PHC3: variants seen among roughly 807,000 people sequenced by gnomAD.
The protein encoded by PHC3 is polyhomeotic-like protein 3.
Under a neutral mutation model 107.4 loss-of-function variants are expected in PHC3, and 13 were observed. The observed-to-expected ratio is 0.12, with a 90% CI of 0.08 to 0.19. The LOEUF (loss-of-function observed/expected upper bound fraction) is 0.19. PHC3 is among the 10% of genes least tolerant of loss of function. The pLI is 1.00. For synonymous variants in PHC3, 456 were observed against 427.4 expected, an observed-to-expected ratio of 1.07 and a Z score of -0.83; for missense variants, 992 against 1,210.9, an observed-to-expected ratio of 0.82 and a Z score of 2.68.
intron 5 of PHC3, 79 bp downstream of exon 5, chr3:170,149,007 T>A: frequency 7.2e-7 from 1 of 1,381,090 alleles, no homozygotes. Context: ...TAAAAATACC[T>A]CTTATTGTAT....
intron 4 of PHC3, among the ~76,000 whole-genome samples, chr3:170,153,596 T>C (rs539865642): frequency 5.3e-5 from 8 of 152,022 alleles, no homozygotes; most frequent in Non-Finnish European, 1.0e-4. Flanking sequence ...ACCCCATCTC[T>C]ACTAAAAATA....
rs1271005706 is a variant in PHC3, at chr3:170,129,243, A to C, written c.1229T>G (p.Val410Gly). 3.1e-6 allele frequency: 5 copies of C among 1,613,630 alleles called. No homozygotes were observed. Among genetic ancestry groups the C allele is most frequent in the Non-Finnish European group, 4.2e-6 (5 of 1,179,558 alleles). The change falls in exon 8 of 15, where the codon GTG (valine) becomes GGG (glycine). Residue 410 changes from valine (V) to glycine (G), a missense_variant. Coordinates refer to ENST00000495893, the MANE Select transcript of PHC3 (RefSeq NM_024947.4). ...TGGTGAATGAGGTGGTGGAGGAGACACCACTACAGACTGCTGTGCTGACTG... is the reference window on the plus strand; with the variant it reads ...TGGTGAATGAGGTGGTGGAGGAGACCCCACTACAGACTGCTGTGCTGACTG... ...QSQSAQQSVV[V>G]SPPPPHSPSQ...
chr3:170,159,696 A>G (rs1395470193), intron 4 of PHC3, among the ~76,000 whole-genome samples: 1 of 152,206 alleles, frequency 6.6e-6, no homozygotes, highest in East Asian at 1.9e-4. Context: ...GGTGTCCTAC[A>G]CAATGACATC....
At chr3:170,112,304 T>C (rs1014920219) in intron 11 of PHC3, among the ~76,000 whole-genome samples, 1 of 151,636 alleles carries the variant, frequency 6.6e-6, no homozygotes. Context: ...TCCGACTCCC[T>C]GGTTCAAGCG....
At chr3:170,152,337 A>ATTTT (rs1220193435) in intron 4 of PHC3, among the ~76,000 whole-genome samples, 13 of 122,148 alleles carry the variant, frequency 1.1e-4, no homozygotes, top group African/African-American at 4.0e-4. Context: ...CGCCTGGCTA[A>ATTTT]TTTTTTTTTT....
At chr3:170,166,358 T>A (rs962935212) in intron 4 of PHC3, among the ~76,000 whole-genome samples, 2 of 152,178 alleles carry the variant, frequency 1.3e-5, no homozygotes, top group Admixed American at 6.5e-5. Flanking sequence ...ATAATAATTT[T>A]AGACTGCAAA....
Position 170,171,399 on chromosome 3 carries a change from G to T in PHC3, c.388C>A (p.Gln130Lys). The T allele has an allele frequency of 6.2e-7, 1 of 1,607,402 alleles. No individual in the cohort carries two copies. Among genetic ancestry groups the T allele is most frequent in the Non-Finnish European group, 8.5e-7 (1 of 1,177,630 alleles). Residue 130 changes from glutamine (Q) to lysine (K), a missense_variant, in exon 4 of 15, where the codon CAG (glutamine) becomes AAG (lysine). By Grantham distance (53) the Gln-to-Lys change is moderately conservative (BLOSUM62 1). Transcript: ENST00000495893. The part of the protein sequence containing the change: ...PSTSPTGSVT[Q>K]QSSMSQTSIN... ...GACGTTTGGGACATACTTGACTGCT[G>T]TGTGACACTTCCTGTGGGAGATGTA...
chr3:170,152,954 A>G (rs991772564), intron 4 of PHC3, among the ~76,000 whole-genome samples: 6 of 152,026 alleles, frequency 3.9e-5, no homozygotes, highest in African/African-American at 1.4e-4. Context: ...GAGCCATCGC[A>G]CCAGACCACA....
chr3:170,138,931 T>C (rs867188555), intron 6 of PHC3, among the ~76,000 whole-genome samples: 42 of 152,060 alleles, frequency 2.8e-4, no homozygotes, highest in Admixed American at 3.9e-4. Flanking sequence ...TGCCATCTTT[T>C]CTCAAAGCTG....
intron 4 of PHC3, among the ~76,000 whole-genome samples, chr3:170,162,625 A>G (rs1012208128): frequency 6.6e-6 from 1 of 152,212 alleles, no homozygotes; most frequent in African/African-American, 2.4e-5. Context: ...CTCCATTTGA[A>G]TTATTACAAG....
chr3:170,155,664 T>G (rs557428915), intron 4 of PHC3, among the ~76,000 whole-genome samples: 1 of 152,136 alleles, frequency 6.6e-6, no homozygotes, highest in Admixed American at 6.5e-5. Flanking sequence ...GAGGTTGCAG[T>G]GAGCCGAGAT....
chr3:170,126,543 T>TTC (rs397954357), intron 8 of PHC3, among the ~76,000 whole-genome samples: 14 of 113,768 alleles, frequency 1.2e-4, no homozygotes, highest in East Asian at 2.5e-4. Context: ...TTTTTTTTTT[T>TTC]CCTTTTTCTT....
intron 4 of PHC3, among the ~76,000 whole-genome samples, chr3:170,150,156 TAA>T (rs1270920878): frequency 2.0e-5 from 3 of 152,184 alleles, no homozygotes; most frequent in Non-Finnish European, 4.4e-5. Context: ...CCACATAACT[TAA>T]AACATCCTAA....
At position 170,176,272 on chromosome 3, in the gene PHC3, T is replaced by G. The variant is rs1730465214; in HGVS notation, c.180+2501A>C. Among the ~76,000 whole-genome samples the G allele has an allele frequency of 2.6e-5, 4 of 151,306 alleles. No homozygotes were observed. The South Asian group carries it at 8.4e-4, about 32-fold the overall frequency. On this transcript the variant is annotated intron_variant, in intron 2 of 14. Transcript: ENST00000495893. ...ATCTAAATCCTTTTCCCTGTATCCC[T>G]TACCTCAGAGAAAGGTAAAAAACAT...
intron 6 of PHC3, among the ~76,000 whole-genome samples, chr3:170,143,858 C>A (rs1408832725): frequency 6.6e-6 from 1 of 152,144 alleles, no homozygotes; most frequent in Non-Finnish European, 1.5e-5. Context: ...CTACTTTCTA[C>A]CCCAGATACC....
At chr3:170,136,394 A>G (rs757781213) in intron 7 of PHC3, 25 bp downstream of exon 7, 4 of 1,611,690 alleles carry the variant, frequency 2.5e-6, no homozygotes, top group African/African-American at 1.3e-5. Context: ...TAATACAACT[A>G]TTTTCAACAA....
chr3:170,099,271 A>T (rs1054137502), intron 14 of PHC3, among the ~76,000 whole-genome samples: 1 of 152,150 alleles, frequency 6.6e-6, no homozygotes, highest in South Asian at 2.1e-4. Flanking sequence ...AATAATATAG[A>T]ACAAAAAGTG....
chr3:170,129,995 G>A (rs758084281), intron 7 of PHC3, among the ~76,000 whole-genome samples: 1 of 152,116 alleles, frequency 6.6e-6, no homozygotes, highest in African/African-American at 2.4e-5. Flanking sequence ...CATCACGCCT[G>A]GCCTGAATAT....
intron 1 of PHC3, 35 bp downstream of exon 1, chr3:170,181,667 C>T (rs753172318): frequency 5.6e-6 from 9 of 1,613,288 alleles, no homozygotes; most frequent in South Asian, 3.3e-5. Flanking sequence ...CTCGCCCCCC[C>T]TAGTTACGAC....
Sources: allele counts gnomAD v4.1 joint callset (sites outside exome capture counted in the v4.1 genomes callset), GRCh38; gene constraint gnomAD v4.1.1; transcripts MANE v1.5; gene names NCBI Gene and HGNC (gene_info 2026-07-23, HGNC 2026-07-21).